The following DPP10 variants were observed in gnomAD, a reference collection of about 807,000 sequenced individuals.
DPP10 encodes the protein dipeptidyl peptidase like 10, also known as inactive dipeptidyl peptidase 10.
Under a neutral mutation model 120.9 loss-of-function variants are expected in DPP10, and 33 were observed. The observed-to-expected ratio is 0.27, with a 90% CI of 0.21 to 0.37. DPP10 has a LOEUF of 0.37. DPP10 is among the 10% of genes least tolerant of loss of function. DPP10 has a pLI of 1.00. For synonymous variants in DPP10, 337 were observed against 326.1 expected (o/e 1.03, Z -0.36); for missense variants, 816 against 942.8 (o/e 0.87, Z 1.76).
At chr2:115,559,088 A>G (rs955924211) in intron 5 of DPP10, among the ~76,000 whole-genome samples, 1 of 152,192 alleles carries the variant, frequency 6.6e-6, no homozygotes, top group Non-Finnish European at 1.5e-5. Context: ...GAATTTCAAA[A>G]AGTATTTTTA....
chr2:114,741,162 T>C (rs1231107635), intron 1 of DPP10, among the ~76,000 whole-genome samples: 1 of 152,220 alleles, frequency 6.6e-6, no homozygotes, highest in Non-Finnish European at 1.5e-5. Flanking sequence ...AACCCAGCTG[T>C]CCTTTGTTAC....
intron 1 of DPP10, among the ~76,000 whole-genome samples, chr2:114,764,879 C>G (rs918857049): frequency 2.0e-5 from 3 of 152,094 alleles, no homozygotes; most frequent in Non-Finnish European, 4.4e-5. Context: ...TTCATTTATA[C>G]TGAGTATGGT....
chr2:114,857,445 T>C (rs1197157614), intron 1 of DPP10, among the ~76,000 whole-genome samples: 2 of 152,134 alleles, frequency 1.3e-5, no homozygotes, highest in South Asian at 2.1e-4. Context: ...CCATATAAGA[T>C]ATTGGTTCAG....
intron 1 of DPP10, among the ~76,000 whole-genome samples, chr2:114,708,986 C>T (rs912602224): frequency 1.3e-5 from 2 of 152,152 alleles, no homozygotes; most frequent in African/African-American, 4.8e-5. Flanking sequence ...GAACTCCTGG[C>T]CTCAAGGGAC....
At chr2:115,468,066 C>A (rs554300421) in intron 3 of DPP10, 133 of 412,996 alleles carry the variant, frequency 3.2e-4, no homozygotes, top group Non-Finnish European at 5.7e-4. Context: ...ATGTCTGGAA[C>A]CTGCGATGTC....
intron 1 of DPP10, among the ~76,000 whole-genome samples, chr2:115,276,275 T>C (rs2059918894): frequency 2.0e-5 from 3 of 152,054 alleles, no homozygotes; most frequent in African/African-American, 7.2e-5. Context: ...TTCACTAAGG[T>C]TGCTGATGAA....
intron 1 of DPP10, among the ~76,000 whole-genome samples, chr2:115,108,802 T>C (rs979639254): frequency 6.6e-6 from 1 of 152,236 alleles, no homozygotes; most frequent in Non-Finnish European, 1.5e-5. Flanking sequence ...AAAATCTCAC[T>C]GACAATGTTA....
intron 2 of DPP10, among the ~76,000 whole-genome samples, chr2:115,326,497 T>C (rs2062373194): frequency 6.6e-6 from 1 of 152,082 alleles, no homozygotes; most frequent in African/African-American, 2.4e-5. Flanking sequence ...CTTCTACCTA[T>C]TAAAACATAA....
chr2:114,904,441 A>G lies in DPP10; in HGVS notation c.61-404798A>G, dbSNP rs151166297. Among the ~76,000 whole-genome samples the G allele has an allele frequency of 1.6e-3, 250 of 152,348 alleles. 1 individual carries two copies. The highest frequency in any genetic ancestry group is 5.7e-3 in the African/African-American group (239 of 41,586). On this transcript the variant is annotated intron_variant, in intron 1 of 25. Transcript: ENST00000410059. Reference sequence around the variant, plus strand: ...TTAGGAAATTTCTAGGCAAAGTGTCAAAAGAGCAGCTTTGTTTTTCCTGAC... The same window carrying G: ...TTAGGAAATTTCTAGGCAAAGTGTCGAAAGAGCAGCTTTGTTTTTCCTGAC...
chr2:115,363,413 T>C (rs1574563466), intron 3 of DPP10, among the ~76,000 whole-genome samples: 1 of 152,186 alleles, frequency 6.6e-6, no homozygotes. Context: ...CTCAGACTCA[T>C]GGTTAAGTGG....
At chr2:115,715,781 CTA>C (rs2092474265) in intron 7 of DPP10, among the ~76,000 whole-genome samples, 1 of 152,304 alleles carries the variant, frequency 6.6e-6, no homozygotes, top group East Asian at 1.9e-4. Flanking sequence ...CATTTTAAAA[CTA>C]TTTCTCCCAA....
At chr2:115,089,350 A>G (rs1298640259) in intron 1 of DPP10, among the ~76,000 whole-genome samples, 2 of 152,288 alleles carry the variant, frequency 1.3e-5, no homozygotes, top group African/African-American at 4.8e-5. Context: ...AGGAAAATTA[A>G]TGGTTAGACT....
intron 3 of DPP10, among the ~76,000 whole-genome samples, chr2:115,379,128 T>G (rs2066067276): frequency 6.6e-6 from 1 of 152,210 alleles, no homozygotes. Flanking sequence ...GAAGGAATGG[T>G]ACCAGTTCCT....
At chr2:115,379,091 CT>C (rs943975083) in intron 3 of DPP10, among the ~76,000 whole-genome samples, 5 of 152,252 alleles carry the variant, frequency 3.3e-5, no homozygotes, top group African/African-American at 1.2e-4. Context: ...AGGATTCCCT[CT>C]TTTTCTATTG....
intron 1 of DPP10, among the ~76,000 whole-genome samples, chr2:115,009,373 G>A (rs1702093180): frequency 6.7e-6 from 1 of 149,998 alleles, no homozygotes; most frequent in South Asian, 2.2e-4. Context: ...GGTGGGAATT[G>A]AACAATGAGA....
intron 5 of DPP10, among the ~76,000 whole-genome samples, chr2:115,654,130 G>A (rs1037897439): frequency 1.3e-5 from 2 of 151,652 alleles, no homozygotes; most frequent in Admixed American, 1.3e-4. Flanking sequence ...CTTGAATCTA[G>A]GAATGAGTTT....
At chr2:114,626,068 T>G (rs1244991707) in intron 1 of DPP10, among the ~76,000 whole-genome samples, 2 of 151,810 alleles carry the variant, frequency 1.3e-5, no homozygotes, top group South Asian at 4.1e-4. Flanking sequence ...GGTTACAGTA[T>G]TTTAATTTAC....
At chr2:115,810,776 C>T (rs545748240) in intron 19 of DPP10, among the ~76,000 whole-genome samples, 13 of 152,252 alleles carry the variant, frequency 8.5e-5, no homozygotes, top group South Asian at 4.1e-4. Context: ...CTTGAAACAC[C>T]CTTCTTACTG....
intron 1 of DPP10, among the ~76,000 whole-genome samples, chr2:115,277,209 G>A (rs1031500723): frequency 6.6e-6 from 1 of 152,086 alleles, no homozygotes; most frequent in African/African-American, 2.4e-5. Flanking sequence ...AATAAGCAAT[G>A]CATTCTCAGT....
Sources: gnomAD v4.1 joint callset for allele counts (sites outside exome capture counted in the v4.1 genomes callset) on GRCh38, gnomAD v4.1.1 for gene constraint, MANE v1.5 for transcripts, NCBI Gene and HGNC (gene_info 2026-07-23, HGNC 2026-07-21) for gene names.